Variants in SUSD1 observed in about 807,000 individuals in gnomAD.
SUSD1 encodes sushi domain containing 1.
A neutral mutation model predicts 86.9 loss-of-function variants in SUSD1; 65 were observed. The observed-to-expected ratio is 0.75, with a 90% CI of 0.61 to 0.92. SUSD1 has a LOEUF of 0.92. Among genes scored for constraint, SUSD1 ranks in the 40% least tolerant of loss-of-function variants. SUSD1 has a pLI of 0.00. For synonymous variants in SUSD1, 346 were observed against 350.0 expected, an observed-to-expected ratio of 0.99 and a Z score of 0.13; for missense variants, 850 against 929.7, an observed-to-expected ratio of 0.91 and a Z score of 1.11.
At chr9:112,139,902 A>G (rs559479946) in intron 5 of SUSD1, among the ~76,000 whole-genome samples, 3 of 152,290 alleles carry the variant, frequency 2.0e-5, no homozygotes, top group Non-Finnish European at 4.4e-5. Flanking sequence ...GGAAACAGGC[A>G]CATAAAATGA....
At chr9:112,120,707 A>G (rs1393284285) in intron 6 of SUSD1, among the ~76,000 whole-genome samples, 1 of 152,256 alleles carries the variant, frequency 6.6e-6, no homozygotes, top group African/African-American at 2.4e-5. Flanking sequence ...GATGGTAATT[A>G]TAATTAGCAG....
rs1484626639 is a variant in SUSD1, at chr9:112,104,050, TC to T, written c.1172-1766del. The stretch of plus-strand genomic sequence containing the variant: ...GCCTGACAATTCTTCTTCTTCTCTC[TC>T]TTTTTTTAAACAGGGTCTCACTCTG... On this transcript the variant is annotated intron_variant, in intron 8 of 16. Coordinates refer to ENST00000374270, the MANE Select transcript of SUSD1 (RefSeq NM_022486.5). 7.3e-5 allele frequency among the ~76,000 whole-genome samples: 11 copies of T among 151,648 alleles called. 1 individual carries two copies. In the South Asian group the frequency reaches 8.4e-4, roughly 12 times the overall value.
intron 13 of SUSD1, among the ~76,000 whole-genome samples, chr9:112,061,421 C>A (rs1291187524): frequency 1.3e-5 from 2 of 152,222 alleles, no homozygotes; most frequent in African/African-American, 2.4e-5. Context: ...CTTTTCTCCT[C>A]TTTTTCACCA....
intron 2 of SUSD1, among the ~76,000 whole-genome samples, chr9:112,151,394 C>T (rs911683276): frequency 4.0e-5 from 6 of 151,710 alleles, no homozygotes; most frequent in Non-Finnish European, 2.9e-5. Context: ...GTCAGGAGTT[C>T]GAGACCAGCC....
At chr9:112,080,639 G>C (rs1829724688) in intron 10 of SUSD1, among the ~76,000 whole-genome samples, 1 of 147,584 alleles carries the variant, frequency 6.8e-6, no homozygotes, top group African/African-American at 2.5e-5. Context: ...AGTCAGCAGA[G>C]ATTGTGCCAC....
intron 1 of SUSD1, among the ~76,000 whole-genome samples, chr9:112,169,833 C>T (rs1049864397): frequency 5.9e-5 from 9 of 152,022 alleles, no homozygotes; most frequent in African/African-American, 1.9e-4. Context: ...GGCCACCATG[C>T]CCCGCTAATT....
chr9:112,158,413 T>C (rs950580299), intron 1 of SUSD1, among the ~76,000 whole-genome samples: 2 of 151,910 alleles, frequency 1.3e-5, no homozygotes, highest in Non-Finnish European at 2.9e-5. Context: ...TTTTTTGAGG[T>C]AGAGTCTGAC....
At chr9:112,052,843 A>G (rs1182070857) in intron 14 of SUSD1, among the ~76,000 whole-genome samples, 2 of 152,212 alleles carry the variant, frequency 1.3e-5, no homozygotes, top group Non-Finnish European at 2.9e-5. Context: ...GTTAGAGGCA[A>G]AGCTATGAGA....
chr9:112,157,024 A>G (rs552049642), intron 2 of SUSD1, among the ~76,000 whole-genome samples: 1 of 152,326 alleles, frequency 6.6e-6, no homozygotes, highest in South Asian at 2.1e-4. Flanking sequence ...CTAAGTCCCT[A>G]AAAGTATCAC....
At chr9:112,127,064 C>T (rs937382060) in intron 5 of SUSD1, among the ~76,000 whole-genome samples, 11 of 152,026 alleles carry the variant, frequency 7.2e-5, no homozygotes, top group Admixed American at 5.2e-4. Context: ...TATTCTTTTC[C>T]CTACACCCAC....
chr9:112,121,422 G>A (rs978190399), intron 6 of SUSD1, among the ~76,000 whole-genome samples: 3 of 152,216 alleles, frequency 2.0e-5, no homozygotes, highest in Non-Finnish European at 2.9e-5. Flanking sequence ...ATATGTGTAT[G>A]TGTATGTGCA....
intron 10 of SUSD1, among the ~76,000 whole-genome samples, chr9:112,088,769 G>A (rs907111173): frequency 2.0e-5 from 3 of 151,784 alleles, no homozygotes; most frequent in African/African-American, 7.3e-5. Flanking sequence ...TTCAGCCTGG[G>A]AGTGAGACCA....
intron 12 of SUSD1, among the ~76,000 whole-genome samples, chr9:112,075,805 G>T (rs998132603): frequency 6.6e-6 from 1 of 152,152 alleles, no homozygotes; most frequent in East Asian, 1.9e-4. Flanking sequence ...TTGAAGCAGG[G>T]TAAGTAGATA....
chr9:112,078,175 T>C (rs1048996631), intron 12 of SUSD1, among the ~76,000 whole-genome samples: 2 of 152,058 alleles, frequency 1.3e-5, no homozygotes, highest in Non-Finnish European at 2.9e-5. Context: ...TGAAACCCCG[T>C]CTCTACAAAA....
At chr9:112,085,555 G>A (rs1389682076) in intron 10 of SUSD1, among the ~76,000 whole-genome samples, 4 of 152,218 alleles carry the variant, frequency 2.6e-5, no homozygotes, top group Non-Finnish European at 5.9e-5. Flanking sequence ...TGACTCCAGA[G>A]GAACTGTGCC....
chr9:112,110,964 G>A (rs767924783), intron 8 of SUSD1, among the ~76,000 whole-genome samples: 15 of 151,660 alleles, frequency 9.9e-5, no homozygotes, highest in Non-Finnish European at 1.6e-4. Flanking sequence ...TCTTTCACAC[G>A]CAAGAGCAAG....
chr9:112,099,441 A>G (rs945017772), intron 9 of SUSD1, among the ~76,000 whole-genome samples: 1 of 149,346 alleles, frequency 6.7e-6, no homozygotes, highest in Non-Finnish European at 1.5e-5. Context: ...CCCATGGAAG[A>G]AAAAAAAAAC....
rs58040511 is a variant in SUSD1, at chr9:112,099,015, T to TTCTCTCTCTCTCTCTC, written c.1282-369_1282-354dup. ...TCCTCCTTCCCTTCTGAATACTTCG[T>TTCTCTCTCTCTCTCTC]TCTCTCTCTCTCTCTCTCTCTCTCT... On this transcript the variant is annotated intron_variant, in intron 9 of 16. Coordinates refer to ENST00000374270, the MANE Select transcript of SUSD1 (RefSeq NM_022486.5). 4.1e-5 allele frequency among the ~76,000 whole-genome samples: 6 copies of TTCTCTCTCTCTCTCTC among 145,992 alleles called. No individual in the cohort carries two copies. The East Asian group carries it at 6.1e-4, about 15-fold the overall frequency.
intron 1 of SUSD1, among the ~76,000 whole-genome samples, chr9:112,170,544 C>T (rs1047527403): frequency 3.9e-5 from 6 of 152,034 alleles, no homozygotes; most frequent in South Asian, 4.2e-4. Context: ...ATCAATTACG[C>T]GAAACACACT....
Sources: gnomAD v4.1 joint callset for allele counts (sites outside exome capture counted in the v4.1 genomes callset) on GRCh38, gnomAD v4.1.1 for gene constraint, MANE v1.5 for transcripts, NCBI Gene and HGNC (gene_info 2026-07-23, HGNC 2026-07-21) for gene names.